Variants in FRMD4A observed in about 807,000 individuals in gnomAD.
The protein encoded by FRMD4A is FERM domain containing 4A.
A neutral mutation model predicts 129.1 loss-of-function variants in FRMD4A; 29 were observed. The observed-to-expected ratio is 0.22, with a 90% CI of 0.17 to 0.31. The LOEUF (loss-of-function observed/expected upper bound fraction) is 0.31. FRMD4A is among the 10% of genes least tolerant of loss of function. The pLI is 1.00. For synonymous variants in FRMD4A, 634 were observed against 571.6 expected (o/e 1.11, Z -1.56); for missense variants, 1,272 against 1,375.8 (o/e 0.92, Z 1.19).
At chr10:13,878,822 G>GGAAGGAA (rs1554953628) in intron 2 of FRMD4A, among the ~76,000 whole-genome samples, 2 of 140,774 alleles carry the variant, frequency 1.4e-5, no homozygotes, top group Non-Finnish European at 3.0e-5. Flanking sequence ...GAGGGAGGGA[G>GGAAGGAA]GGAAGGAAGG....
At chr10:13,954,600 G>C (rs532571365) in intron 2 of FRMD4A, among the ~76,000 whole-genome samples, 1 of 152,270 alleles carries the variant, frequency 6.6e-6, no homozygotes, top group East Asian at 1.9e-4. Context: ...CAAGTCATGG[G>C]AAGGGGAATT....
At chr10:13,802,854 A>G (rs1297189959) in intron 4 of FRMD4A, among the ~76,000 whole-genome samples, 1 of 152,156 alleles carries the variant, frequency 6.6e-6, no homozygotes, top group Non-Finnish European at 1.5e-5. Flanking sequence ...TGATATATTT[A>G]GTATCCTTGT....
chr10:14,092,940 A>G (rs1564283580), intron 2 of FRMD4A, among the ~76,000 whole-genome samples: 1 of 152,228 alleles, frequency 6.6e-6, no homozygotes, highest in Non-Finnish European at 1.5e-5. Flanking sequence ...GGAGCAGTCC[A>G]GTCATGAGGA....
intron 18 of FRMD4A, 84 bp downstream of exon 18, chr10:13,666,013 G>T (rs1010137027): frequency 1.3e-6 from 1 of 789,774 alleles, no homozygotes. Context: ...CTCAGGTCGT[G>T]CAGGGACCAC....
At chr10:14,216,077 T>G (rs895162227) in intron 2 of FRMD4A, among the ~76,000 whole-genome samples, 1 of 152,174 alleles carries the variant, frequency 6.6e-6, no homozygotes, top group African/African-American at 2.4e-5. Flanking sequence ...CATGTTGTGC[T>G]GCTTTTGGAC....
chr10:13,663,958 A>C (rs1002715068), intron 18 of FRMD4A, among the ~76,000 whole-genome samples: 3 of 152,268 alleles, frequency 2.0e-5, no homozygotes, highest in African/African-American at 7.2e-5. Context: ...ATGGCTTCTC[A>C]ATAAACTTTG....
chr10:13,761,193 T>C (rs1315849341), intron 8 of FRMD4A, among the ~76,000 whole-genome samples: 2 of 152,258 alleles, frequency 1.3e-5, no homozygotes, highest in South Asian at 2.1e-4. Flanking sequence ...TTTTATGTTG[T>C]AACATTTTCA....
chr10:13,900,636 C>T (rs934149603), intron 2 of FRMD4A, among the ~76,000 whole-genome samples: 1 of 152,134 alleles, frequency 6.6e-6, no homozygotes. Flanking sequence ...GTGGCTCATG[C>T]CTGTAATCCC....
intron 2 of FRMD4A, among the ~76,000 whole-genome samples, chr10:14,148,492 G>A (rs1448318420): frequency 2.6e-5 from 4 of 152,168 alleles, no homozygotes; most frequent in East Asian, 1.9e-4. Context: ...GGCCGGGTGC[G>A]CTGGCTCACG....
chr10:13,706,862 A>C (rs906536520), intron 13 of FRMD4A, among the ~76,000 whole-genome samples, 175 bp downstream of exon 13: 1 of 148,844 alleles, frequency 6.7e-6, no homozygotes, highest in African/African-American at 2.6e-5. Context: ...ATTTATCAAC[A>C]CATGTAATTG....
At chr10:13,783,326 A>G (rs2092780595) in intron 5 of FRMD4A, among the ~76,000 whole-genome samples, 1 of 152,142 alleles carries the variant, frequency 6.6e-6, no homozygotes, top group Non-Finnish European at 1.5e-5. Context: ...ACATAATGTT[A>G]TTTGTTTTCA....
intron 2 of FRMD4A, among the ~76,000 whole-genome samples, chr10:14,173,691 A>G (rs77281426): frequency 0.022 from 3,372 of 152,194 alleles, 65 homozygotes; most frequent in Non-Finnish European, 0.034. Flanking sequence ...CTGCAAACGA[A>G]CAGCTCCGAG....
intron 4 of FRMD4A, among the ~76,000 whole-genome samples, chr10:13,803,885 A>G (rs757172974): frequency 2.2e-4 from 34 of 152,222 alleles, no homozygotes; most frequent in Non-Finnish European, 4.7e-4. Flanking sequence ...AACAGTCTCC[A>G]TATTAAGAAT....
rs370585510 is a variant in FRMD4A at position 13,674,675 on chromosome 10, G to A, written c.1251+236C>T. ...GCTTTCTTAAGATTTGCACTAATGC[G>A]GTTCTGCTCTTTCTCTGACAAAGCA... is the stretch of plus-strand genomic sequence containing the variant. On this transcript the variant is annotated intron_variant, in intron 16 of 24. Coordinates refer to ENST00000357447, the MANE Select transcript of FRMD4A (RefSeq NM_018027.5). 3.1e-4 allele frequency among the ~76,000 whole-genome samples: 47 copies of A among 152,260 alleles called. No individual in the cohort carries two copies. The East Asian group carries it at 3.5e-3, about 11-fold the overall frequency.
At chr10:14,290,866 T>C (rs1378258487) in intron 2 of FRMD4A, among the ~76,000 whole-genome samples, 1 of 152,032 alleles carries the variant, frequency 6.6e-6, no homozygotes, top group Non-Finnish European at 1.5e-5. Flanking sequence ...GTAAAATATA[T>C]GATAAATGAC....
chr10:14,097,850 T>A (rs1485386224), intron 2 of FRMD4A, among the ~76,000 whole-genome samples: 1 of 148,506 alleles, frequency 6.7e-6, no homozygotes, highest in Non-Finnish European at 1.5e-5. Flanking sequence ...TGAACACGTA[T>A]ATGTCAATAA....
chr10:14,285,800 C>T lies in FRMD4A; in HGVS notation c.45+44258G>A, dbSNP rs373452633. ...TGAAGTAATTTAACTCATGATCCGA[C>T]GTCAGGGATCACTGCCAGCTGACTG... On this transcript the variant is annotated intron_variant, in intron 2 of 24. Transcript: ENST00000357447. Among the ~76,000 whole-genome samples the T allele has an allele frequency of 3.9e-5, 6 of 152,320 alleles. 1 individual carries two copies. Among genetic ancestry groups the T allele is most frequent in the South Asian group, 4.1e-4 (2 of 4,832 alleles).
At chr10:14,251,562 C>G (rs1844441755) in intron 2 of FRMD4A, among the ~76,000 whole-genome samples, 1 of 152,204 alleles carries the variant, frequency 6.6e-6, no homozygotes, top group African/African-American at 2.4e-5. Context: ...TACTAAATGA[C>G]TGTTATCTCA....
chr10:14,300,824 T>C (rs1251350131), intron 2 of FRMD4A, among the ~76,000 whole-genome samples: 3 of 152,134 alleles, frequency 2.0e-5, no homozygotes, highest in Admixed American at 1.3e-4. Context: ...AGAATTAACA[T>C]TACCTAAAGA....
Sources: gnomAD v4.1 joint callset for allele counts (sites outside exome capture counted in the v4.1 genomes callset) on GRCh38, gnomAD v4.1.1 for gene constraint, MANE v1.5 for transcripts, NCBI Gene and HGNC (gene_info 2026-07-23, HGNC 2026-07-21) for gene names.